CD2AP: variants seen among roughly 807,000 people sequenced by gnomAD.
CD2AP encodes the protein CD2-associated protein.
Under a neutral mutation model 85.1 loss-of-function variants are expected in CD2AP, and 46 were observed. The ratio of observed to expected loss-of-function variants is 0.54; its 90% CI spans 0.43 to 0.69. CD2AP has a LOEUF of 0.69. Ranked by LOEUF, CD2AP falls within the 30% of genes least tolerant of loss-of-function variation. CD2AP has a pLI of 0.00. For missense variants in CD2AP, 769 were observed against 729.5 expected, an observed-to-expected ratio of 1.05 and a Z score of -0.62; for synonymous variants, 255 against 252.9, an observed-to-expected ratio of 1.01 and a Z score of -0.08.
At chr6:47,505,874 A>C in intron 2 of CD2AP, among the ~76,000 whole-genome samples, 3 of 109,986 alleles carry the variant, frequency 2.7e-5, no homozygotes, top group African/African-American at 3.8e-5. Context: ...TCCCTCCCGG[A>C]TGGGGCGGCT....
intron 11 of CD2AP, among the ~76,000 whole-genome samples, chr6:47,588,029 G>A (rs1265636076): frequency 1.3e-5 from 2 of 152,044 alleles, no homozygotes; most frequent in African/African-American, 4.8e-5. Flanking sequence ...ATTGCTTTCC[G>A]TGTGTTTGCA....
At chr6:47,544,832 A>G in intron 4 of CD2AP, 126 bp downstream of exon 4, 1 of 671,832 alleles carries the variant, frequency 1.5e-6, no homozygotes. Flanking sequence ...AAAATGGTAT[A>G]GAGTTTCTTT....
At chr6:47,511,520 G>A (rs1303097869) in intron 2 of CD2AP, among the ~76,000 whole-genome samples, 1 of 152,208 alleles carries the variant, frequency 6.6e-6, no homozygotes. Context: ...TAATGTACCA[G>A]TGTTAATTTC....
chr6:47,541,246 C>A (rs1217069367), intron 3 of CD2AP, among the ~76,000 whole-genome samples: 2 of 152,200 alleles, frequency 1.3e-5, no homozygotes. Context: ...GCCTCAGCCT[C>A]CTGAGTAGCT....
At position 47,599,174 on chromosome 6, in the gene CD2AP, G is replaced by A. The variant is rs543373969; in HGVS notation, c.1275-127G>A. ...CTTAGGAGAGAGTTTTGCGTTTATGGAAATGGTTTTACAGAACAGAAAGTA... is the reference window on the plus strand; with the variant it reads ...CTTAGGAGAGAGTTTTGCGTTTATGAAAATGGTTTTACAGAACAGAAAGTA... On this transcript the variant is annotated intron_variant, in intron 12 of 17. Coordinates refer to ENST00000359314, the MANE Select transcript of CD2AP (RefSeq NM_012120.3). 4.3e-4 allele frequency: 293 copies of A among 688,330 alleles called. 14 individuals carry two copies. Among genetic ancestry groups the A allele is most frequent in the Non-Finnish European group, 6.7e-4 (265 of 393,924 alleles). 42.6% of individuals were successfully genotyped at this position (688,330 alleles called of 1,614,324 possible). A position where few individuals can be genotyped will look rare whatever the true frequency, so the allele number is the denominator to read the frequency against.
chr6:47,541,366 C>T (rs931743064), intron 3 of CD2AP, among the ~76,000 whole-genome samples: 7 of 152,142 alleles, frequency 4.6e-5, no homozygotes, highest in East Asian at 1.9e-4. Flanking sequence ...CCTCATGATC[C>T]GCCTGCCTCG....
chr6:47,547,518 C>G (rs1348453822), intron 4 of CD2AP, among the ~76,000 whole-genome samples: 2 of 151,930 alleles, frequency 1.3e-5, no homozygotes, highest in East Asian at 3.9e-4. Context: ...CACTGGAGCT[C>G]TTTAGTTTAT....
At chr6:47,529,403 T>G (rs901193230) in intron 2 of CD2AP, among the ~76,000 whole-genome samples, 1 of 152,268 alleles carries the variant, frequency 6.6e-6, no homozygotes, top group Non-Finnish European at 1.5e-5. Flanking sequence ...AGATGCGTAC[T>G]TGAGGTTCAT....
chr6:47,508,083 G>A (rs1303155435), intron 2 of CD2AP, among the ~76,000 whole-genome samples: 1 of 152,216 alleles, frequency 6.6e-6, no homozygotes, highest in African/African-American at 2.4e-5. Context: ...TGGTGAATAT[G>A]CAATGACTTC....
chr6:47,492,308 G>A (rs1284545786), intron 1 of CD2AP, among the ~76,000 whole-genome samples: 1 of 149,398 alleles, frequency 6.7e-6, no homozygotes, highest in Non-Finnish European at 1.5e-5. Flanking sequence ...TGCCTTTTTG[G>A]TACATGGAAG....
rs758262794 is a variant in CD2AP, at chr6:47,503,371, A to G, written c.96A>G (p.Leu32=). 1.2e-6 allele frequency: 2 copies of G among 1,613,870 alleles called. No individual in the cohort carries two copies. The highest frequency in any genetic ancestry group is 1.7e-6 in the Non-Finnish European group (2 of 1,179,820). ...VGEIIRNVKK[L]QEEGWLEGEL... is the part of the protein sequence containing the mutation. ...AAATCATCAGGAATGTGAAAAAGCTACAGGAGGAAGGGTGGCTGGAAGGAG... is the reference window on the plus strand; with the variant it reads ...AAATCATCAGGAATGTGAAAAAGCTGCAGGAGGAAGGGTGGCTGGAAGGAG... Residue 32 remains leucine, a synonymous_variant, in exon 2 of 18, where the codon CTA becomes CTG. Coordinates refer to ENST00000359314, the MANE Select transcript of CD2AP (RefSeq NM_012120.3).
At chr6:47,589,305 G>A (rs948501674) in intron 11 of CD2AP, among the ~76,000 whole-genome samples, 3 of 150,422 alleles carry the variant, frequency 2.0e-5, no homozygotes, top group Non-Finnish European at 3.0e-5. Context: ...ATTGCTTAGC[G>A]TAAGAATGCG....
At chr6:47,621,281 T>C (rs182808889) in intron 17 of CD2AP, among the ~76,000 whole-genome samples, 4 of 152,352 alleles carry the variant, frequency 2.6e-5, no homozygotes, top group Non-Finnish European at 5.9e-5. Flanking sequence ...CGAATGTTTT[T>C]TCTGCATCTA....
intron 11 of CD2AP, among the ~76,000 whole-genome samples, chr6:47,584,208 A>T (rs372758159): frequency 1.1e-4 from 17 of 152,166 alleles, no homozygotes; most frequent in Admixed American, 3.3e-4. Context: ...CACAGAGCAG[A>T]AGTTTTAAAT....
intron 12 of CD2AP, among the ~76,000 whole-genome samples, chr6:47,598,378 G>A (rs1769006948): frequency 1.3e-5 from 2 of 151,168 alleles, no homozygotes; most frequent in African/African-American, 2.4e-5. Flanking sequence ...TCTACCATTT[G>A]ATCCAGCAAT....
At chr6:47,564,625 CTA>C in intron 5 of CD2AP, among the ~76,000 whole-genome samples, 1 of 152,076 alleles carries the variant, frequency 6.6e-6, no homozygotes, top group African/African-American at 2.4e-5. Flanking sequence ...TTGAAGTACA[CTA>C]TAATTTTTTT....
At chr6:47,493,868 G>A (rs1001622212) in intron 1 of CD2AP, among the ~76,000 whole-genome samples, 1 of 151,986 alleles carries the variant, frequency 6.6e-6, no homozygotes, top group African/African-American at 2.4e-5. Flanking sequence ...CAGTGTTGTC[G>A]ATTATTTGTT....
intron 1 of CD2AP, among the ~76,000 whole-genome samples, chr6:47,488,616 T>G (rs1363192951): frequency 1.3e-5 from 2 of 151,990 alleles, no homozygotes; most frequent in African/African-American, 4.8e-5. Context: ...TAGCCACATT[T>G]CAAGTGCTCA....
rs1374532786 is a variant in CD2AP, at chr6:47,528,880, ATT to A, written c.166-4720_166-4719del. Among the ~76,000 whole-genome samples, 3 of 152,074 alleles carry A rather than the reference ATT, an allele frequency of 2.0e-5. No homozygotes were observed. In the East Asian group the frequency reaches 5.8e-4, roughly 29 times the overall value. ...TGCTTTTTTATTGTTGACTTTTAATATTTCTTTGTATATCTCAAATGACAGTC... is the reference window on the plus strand; with the variant it reads ...TGCTTTTTTATTGTTGACTTTTAATATCTTTGTATATCTCAAATGACAGTC... On this transcript the variant is annotated intron_variant, in intron 2 of 17. Transcript: ENST00000359314.
Sources: allele counts gnomAD v4.1 joint callset (sites outside exome capture counted in the v4.1 genomes callset), GRCh38; gene constraint gnomAD v4.1.1; transcripts MANE v1.5; gene names NCBI Gene and HGNC (gene_info 2026-07-23, HGNC 2026-07-21).